The following ST18 variants were observed in gnomAD, a reference collection of about 807,000 sequenced individuals.
ST18 encodes the protein ST18 C2H2C-type zinc finger transcription factor.
ST18 carries 50 observed loss-of-function variants against 110.0 expected under a neutral mutation model. That is an observed-to-expected ratio of 0.45 (90% CI 0.36 to 0.58). ST18 has a LOEUF of 0.58. Among genes scored for constraint, ST18 ranks in the 20% least tolerant of loss-of-function variants. The pLI, the probability that ST18 is intolerant of heterozygous loss-of-function variation, is 0.00. For synonymous variants in ST18, 461 were observed against 452.4 expected (o/e 1.02, Z -0.24); for missense variants, 1,306 against 1,280.1 (o/e 1.02, Z -0.31).
At chr8:52,240,598 CT>C (rs1477762153) in intron 2 of ST18, among the ~76,000 whole-genome samples, 1 of 152,094 alleles carries the variant, frequency 6.6e-6, no homozygotes, top group Non-Finnish European at 1.5e-5. Flanking sequence ...ACTTTTCTGT[CT>C]TCTTATCTCT....
chr8:52,113,848 T>G lies in ST18; in HGVS notation c.3004-510A>C, dbSNP rs138953528. 7.0e-4 allele frequency among the ~76,000 whole-genome samples: 107 copies of G among 152,024 alleles called. 2 individuals carry two copies. In the East Asian group the frequency reaches 0.014, roughly 19 times the overall value. On this transcript the variant is annotated intron_variant, in intron 25 of 25. Coordinates refer to ENST00000689386, the MANE Select transcript of ST18 (RefSeq NM_001352837.2). ...TTTCCTCCTCCATCCTCAGATCCTT[T>G]TAGCCTGTTTCTCTCCTGTGGCATC...
At chr8:52,195,148 C>T (rs925397903) in intron 8 of ST18, among the ~76,000 whole-genome samples, 6 of 152,044 alleles carry the variant, frequency 3.9e-5, no homozygotes, top group African/African-American at 9.7e-5. Flanking sequence ...TCTTCAAAAA[C>T]GTAATATGAT....
At chr8:52,304,145 C>G (rs2095775206) in intron 2 of ST18, among the ~76,000 whole-genome samples, 1 of 152,098 alleles carries the variant, frequency 6.6e-6, no homozygotes, top group Admixed American at 6.5e-5. Flanking sequence ...ATTAAAATAA[C>G]TGCAGGATAT....
intron 2 of ST18, among the ~76,000 whole-genome samples, chr8:52,403,019 G>T (rs1179627000): frequency 6.6e-6 from 1 of 152,168 alleles, no homozygotes; most frequent in Non-Finnish European, 1.5e-5. Context: ...CAACTTCCTG[G>T]GGGTGGGACA....
chr8:52,126,221 T>C, intron 22 of ST18, 81 bp from the exon 23 acceptor site: 1 of 1,392,350 alleles, frequency 7.2e-7, no homozygotes, highest in South Asian at 1.3e-5. Flanking sequence ...CACAACCTAC[T>C]ATTTGTGTTT....
chr8:52,218,282 G>A (rs891082865), intron 5 of ST18, among the ~76,000 whole-genome samples: 3 of 151,702 alleles, frequency 2.0e-5, no homozygotes, highest in African/African-American at 7.3e-5. Flanking sequence ...AAAATGTCAT[G>A]GTGACCACAA....
At chr8:52,219,558 G>A (rs1489538122) in intron 5 of ST18, among the ~76,000 whole-genome samples, 4 of 152,094 alleles carry the variant, frequency 2.6e-5, no homozygotes, top group Non-Finnish European at 5.9e-5. Context: ...CTGAAGAATC[G>A]AAGGATGTGT....
chr8:52,228,040 C>T (rs2090081713), intron 3 of ST18, among the ~76,000 whole-genome samples: 1 of 152,112 alleles, frequency 6.6e-6, no homozygotes, highest in Non-Finnish European at 1.5e-5. Context: ...CAAAACAACC[C>T]AGACATTTTA....
At chr8:52,322,392 C>T (rs1205464889) in intron 2 of ST18, among the ~76,000 whole-genome samples, 3 of 152,178 alleles carry the variant, frequency 2.0e-5, no homozygotes, top group Non-Finnish European at 4.4e-5. Flanking sequence ...AATACTATTA[C>T]TGGCTGTTGT....
At chr8:52,129,267 A>G (rs2048266594) in intron 22 of ST18, among the ~76,000 whole-genome samples, 1 of 151,870 alleles carries the variant, frequency 6.6e-6, no homozygotes, top group Non-Finnish European at 1.5e-5. Flanking sequence ...GGAGTTTGAG[A>G]ACAGCCTGAC....
chr8:52,211,798 A>G (rs1053448128), intron 8 of ST18, among the ~76,000 whole-genome samples: 1 of 152,174 alleles, frequency 6.6e-6, no homozygotes, highest in Non-Finnish European at 1.5e-5. Context: ...GGTGTGCACA[A>G]AGGGATCACA....
chr8:52,375,167 C>T (rs1831813160), intron 2 of ST18, among the ~76,000 whole-genome samples: 1 of 152,104 alleles, frequency 6.6e-6, no homozygotes, highest in South Asian at 2.1e-4. Flanking sequence ...CAGCATCATT[C>T]CCAGCAGCAT....
intron 2 of ST18, among the ~76,000 whole-genome samples, chr8:52,312,067 T>C (rs967086884): frequency 6.6e-6 from 1 of 152,212 alleles, no homozygotes; most frequent in African/African-American, 2.4e-5. Flanking sequence ...AGATATGTTA[T>C]GGGTTATTAT....
At chr8:52,270,334 C>T (rs1432304912) in intron 2 of ST18, among the ~76,000 whole-genome samples, 7 of 152,162 alleles carry the variant, frequency 4.6e-5, no homozygotes, top group Admixed American at 2.6e-4. Context: ...AATCATTCCC[C>T]CGCTGTGCTC....
At chr8:52,384,530 G>A (rs771911713) in intron 2 of ST18, among the ~76,000 whole-genome samples, 1 of 151,774 alleles carries the variant, frequency 6.6e-6, no homozygotes, top group Non-Finnish European at 1.5e-5. Flanking sequence ...CACATATTCT[G>A]TCATGCACAC....
chr8:52,215,454 A>AT (rs1269602486), intron 6 of ST18, among the ~76,000 whole-genome samples: 1 of 152,280 alleles, frequency 6.6e-6, no homozygotes, highest in Admixed American at 6.5e-5. Flanking sequence ...TCCATTGTGC[A>AT]TTTTTTCACC....
chr8:52,242,418 C>T (rs991612652), intron 2 of ST18, among the ~76,000 whole-genome samples: 6 of 152,230 alleles, frequency 3.9e-5, no homozygotes, highest in Admixed American at 3.3e-4. Context: ...CCCGGCGCAT[C>T]ACAGGCAAAT....
chr8:52,333,803 G>T (rs1260737691), intron 2 of ST18, among the ~76,000 whole-genome samples: 1 of 152,156 alleles, frequency 6.6e-6, no homozygotes, highest in Non-Finnish European at 1.5e-5. Context: ...CTGAAACTGG[G>T]CCACGCCAAA....
At chr8:52,166,613 C>T (rs1362737641) in intron 11 of ST18, among the ~76,000 whole-genome samples, 2 of 152,226 alleles carry the variant, frequency 1.3e-5, no homozygotes, top group Non-Finnish European at 2.9e-5. Context: ...TTCCTCTGGA[C>T]ACTGTGAGGA....
Sources: allele counts gnomAD v4.1 joint callset (sites outside exome capture counted in the v4.1 genomes callset), GRCh38; gene constraint gnomAD v4.1.1; transcripts MANE v1.5; gene names NCBI Gene and HGNC (gene_info 2026-07-23, HGNC 2026-07-21).